EFCAB6: variants seen among roughly 807,000 people sequenced by gnomAD.
The protein encoded by EFCAB6 is EF-hand calcium-binding domain-containing protein 6.
A neutral mutation model predicts 169.8 loss-of-function variants in EFCAB6; 156 were observed. That is an observed-to-expected ratio of 0.92 (90% CI 0.81 to 1.05). The LOEUF is 1.05. Ranked by LOEUF, EFCAB6 falls within the 50% of genes least tolerant of loss-of-function variation. The probability of loss-of-function intolerance (pLI) is 0.00; values close to 1 mark genes in which losing one functional copy is unlikely to be tolerated. For synonymous variants in EFCAB6, 698 were observed against 676.4 expected, an observed-to-expected ratio of 1.03 and a Z score of -0.50; for missense variants, 1,800 against 1,829.1, an observed-to-expected ratio of 0.98 and a Z score of 0.29.
rs1056745629 is a variant in EFCAB6 at position 43,779,727 on chromosome 22, G to A, written c.139+2453C>T. On this transcript the variant is annotated intron_variant, in intron 3 of 31. Transcript: ENST00000262726. ...TGCACTCCAGCCTGGGCAACAGGGC[G>A]AGACTCCGCCTCAATAAAACAACAA... 1.8e-4 allele frequency among the ~76,000 whole-genome samples: 27 copies of A among 152,028 alleles called. No individual in the cohort carries two copies. The East Asian group carries it at 3.9e-3, about 22-fold the overall frequency.
At chr22:43,732,792 A>T (rs184263617) in intron 7 of EFCAB6, among the ~76,000 whole-genome samples, 66 of 152,240 alleles carry the variant, frequency 4.3e-4, no homozygotes, top group African/African-American at 1.5e-3. Context: ...TAAAGTTAAG[A>T]TAAATAAGAT....
intron 8 of EFCAB6, among the ~76,000 whole-genome samples, chr22:43,724,367 CTTTTTTTTT>C (rs58226287): frequency 9.3e-6 from 1 of 107,902 alleles, no homozygotes; most frequent in Non-Finnish European, 1.9e-5. Context: ...TTTCTTTTTT[CTTTTTTTTT>C]TTTTTTTTTG....
intron 20 of EFCAB6, among the ~76,000 whole-genome samples, chr22:43,623,610 A>G (rs2054257591): frequency 6.6e-6 from 1 of 151,932 alleles, no homozygotes; most frequent in South Asian, 2.1e-4. Context: ...AAGGGGTGGT[A>G]TCCGGCCAGG....
rs571415361 is a variant in EFCAB6, at chr22:43,532,464, C to T, written c.4234-1500G>A. 1.7e-4 allele frequency among the ~76,000 whole-genome samples: 26 copies of T among 152,322 alleles called. No homozygotes were observed. In the South Asian group the frequency reaches 2.1e-3, roughly 12 times the overall value. On this transcript the variant is annotated intron_variant, in intron 30 of 31. Transcript: ENST00000262726. ...GGCGGAGGAAGGATGGAATTGATGG[C>T]GGCCTTGCTGCCACGTGTCTCCATG...
intron 6 of EFCAB6, among the ~76,000 whole-genome samples, chr22:43,749,151 A>G (rs1454669380): frequency 1.3e-5 from 2 of 152,110 alleles, no homozygotes; most frequent in Non-Finnish European, 2.9e-5. Flanking sequence ...TGGGAGGGGC[A>G]CTGGTAAGGG....
chr22:43,550,017 G>T (rs997315759), intron 27 of EFCAB6, among the ~76,000 whole-genome samples: 2 of 152,224 alleles, frequency 1.3e-5, no homozygotes, highest in Admixed American at 1.3e-4. Flanking sequence ...TTTTATGCTA[G>T]ATAAAGAATA....
chr22:43,650,850 C>G (rs2056432901), intron 17 of EFCAB6, among the ~76,000 whole-genome samples: 1 of 152,102 alleles, frequency 6.6e-6, no homozygotes, highest in Non-Finnish European at 1.5e-5. Flanking sequence ...TTTGCCTCTG[C>G]CCTAGAGATT....
intron 10 of EFCAB6, among the ~76,000 whole-genome samples, chr22:43,688,741 A>G (rs1341202991): frequency 6.6e-6 from 1 of 152,236 alleles, no homozygotes; most frequent in African/African-American, 2.4e-5. Flanking sequence ...ACATACACTG[A>G]CCTGTGTCAC....
intron 22 of EFCAB6, among the ~76,000 whole-genome samples, chr22:43,600,892 ACCT>A (rs1475285996): frequency 6.6e-6 from 1 of 152,128 alleles, no homozygotes; most frequent in Non-Finnish European, 1.5e-5. Context: ...CAAACTCCTG[ACCT>A]CAGGTGATCC....
At chr22:43,555,138 T>C (rs1227231139) in intron 26 of EFCAB6, 42 bp from the exon 27 acceptor site, 20 of 1,603,548 alleles carry the variant, frequency 1.2e-5, no homozygotes, top group African/African-American at 2.7e-5. Flanking sequence ...TGAGAAATAA[T>C]CGACCACCTC....
At chr22:43,791,271 G>A (rs2062277457) in intron 2 of EFCAB6, among the ~76,000 whole-genome samples, 2 of 152,124 alleles carry the variant, frequency 1.3e-5, no homozygotes, top group African/African-American at 4.8e-5. Context: ...TACGCAGGAG[G>A]CTGAGGTGGG....
chr22:43,661,310 T>C (rs2056991384), intron 17 of EFCAB6, among the ~76,000 whole-genome samples: 1 of 152,076 alleles, frequency 6.6e-6, no homozygotes, highest in East Asian at 1.9e-4. Flanking sequence ...CCCAGGAGAT[T>C]GAGGCTGCAG....
chr22:43,599,895 C>T (rs748340517), intron 23 of EFCAB6, among the ~76,000 whole-genome samples, 174 bp downstream of exon 23: 2 of 152,170 alleles, frequency 1.3e-5, no homozygotes, highest in Non-Finnish European at 2.9e-5. Flanking sequence ...TATAGCTTTT[C>T]AATTACTCTT....
intron 4 of EFCAB6, 29 bp from the exon 5 acceptor site, chr22:43,765,422 T>C (rs767974856): frequency 5.8e-6 from 9 of 1,554,438 alleles, no homozygotes; most frequent in South Asian, 1.1e-5. Flanking sequence ...AATGACAACA[T>C]GTTAGAGAAT....
At chr22:43,591,022 A>T (rs936902443) in intron 23 of EFCAB6, among the ~76,000 whole-genome samples, 5 of 151,862 alleles carry the variant, frequency 3.3e-5, no homozygotes, top group African/African-American at 1.2e-4. Context: ...AGAAACAGCC[A>T]TCATGTGGTG....
intron 17 of EFCAB6, among the ~76,000 whole-genome samples, chr22:43,659,385 G>A (rs1194414544): frequency 4.6e-5 from 7 of 152,206 alleles, no homozygotes; most frequent in East Asian, 1.9e-4. Flanking sequence ...GGGCATGGGC[G>A]TGGTGGCTCA....
At chr22:43,727,684 T>C (rs534697373) in intron 8 of EFCAB6, among the ~76,000 whole-genome samples, 1 of 152,158 alleles carries the variant, frequency 6.6e-6, no homozygotes, top group African/African-American at 2.4e-5. Flanking sequence ...TGAATTACTA[T>C]AATATTACTT....
chr22:43,551,282 C>G (rs1056021464), intron 27 of EFCAB6, among the ~76,000 whole-genome samples: 1 of 152,212 alleles, frequency 6.6e-6, no homozygotes, highest in Admixed American at 6.5e-5. Flanking sequence ...GAGCTCTGGG[C>G]TTTTGCTGTT....
chr22:43,628,938 C>T lies in EFCAB6; in HGVS notation c.2233-2259G>A, dbSNP rs998314611. The stretch of plus-strand genomic sequence containing the variant: ...GCTCTCCGAGCCATGCTCACCATAA[C>T]GTCTGTGAGATGGGGCTGCTGGACA... On this transcript the variant is annotated intron_variant, in intron 19 of 31. Transcript: ENST00000262726. This position sits in a 1 kb window ranked among gnomAD's most constrained non-coding sequence, Gnocchi z 4.8. Among the ~76,000 whole-genome samples, 11 of 152,230 alleles carry T rather than the reference C, an allele frequency of 7.2e-5. No homozygotes were observed. Among genetic ancestry groups the T allele is most frequent in the African/African-American group, 2.2e-4 (9 of 41,464 alleles).
Sources: allele counts gnomAD v4.1 joint callset (sites outside exome capture counted in the v4.1 genomes callset), GRCh38; gene constraint gnomAD v4.1.1; non-coding constraint Gnocchi (gnomAD v3.1); transcripts MANE v1.5; gene names NCBI Gene and HGNC (gene_info 2026-07-23, HGNC 2026-07-21).